The following RAI2 variants were observed in gnomAD, a reference collection of about 807,000 sequenced individuals.
RAI2 encodes retinoic acid-induced protein 2.
In RAI2, 5 loss-of-function variants were observed where a neutral mutation model predicts 15.3. The ratio of observed to expected loss-of-function variants is 0.33; its 90% CI spans 0.17 to 0.69. The LOEUF (loss-of-function observed/expected upper bound fraction) is 0.69, where lower values mean the gene tolerates loss of function less well. Among genes scored for constraint, RAI2 ranks in the 30% least tolerant of loss-of-function variants. The probability of loss-of-function intolerance (pLI) is 0.69; values close to 1 mark genes in which losing one functional copy is unlikely to be tolerated. For synonymous variants in RAI2, 191 were observed against 184.0 expected (o/e 1.04, Z -0.31); for missense variants, 424 against 424.7 (o/e 1.00, Z 0.01).
chrX:17,830,487 G>GT (rs200756495), intron 1 of RAI2, among the ~76,000 whole-genome samples: 415 of 100,607 alleles, frequency 4.1e-3, no homozygotes, highest in East Asian at 0.013. Flanking sequence ...CCTATGATTT[G>GT]TTTTTTTTTT....
chrX:17,821,274 C>T (rs1048792106), intron 1 of RAI2, among the ~76,000 whole-genome samples: 9 of 111,714 alleles, frequency 8.1e-5, no homozygotes, highest in African/African-American at 6.5e-5. Flanking sequence ...GTAGGTCTGT[C>T]GCTGGACTTT....
intron 1 of RAI2, among the ~76,000 whole-genome samples, chrX:17,809,846 C>T (rs1307195667): frequency 2.7e-5 from 3 of 111,351 alleles, no homozygotes; most frequent in African/African-American, 6.6e-5. Flanking sequence ...TTACTTACTG[C>T]ACCCTCAACC....
chrX:17,817,861 A>G (rs1465064247), intron 1 of RAI2, among the ~76,000 whole-genome samples: 2 of 112,082 alleles, frequency 1.8e-5, no homozygotes, highest in Non-Finnish European at 3.8e-5. Context: ...GTCCTTTAGG[A>G]GAGTTAGCAT....
chrX:17,854,509 G>C (rs1229395726), intron 1 of RAI2, among the ~76,000 whole-genome samples: 1 of 112,087 alleles, frequency 8.9e-6, no homozygotes, highest in African/African-American at 3.2e-5. Context: ...GAGCTTCCAG[G>C]CTTAAAGCAC....
intron 1 of RAI2, among the ~76,000 whole-genome samples, chrX:17,856,026 C>T (rs2067598515): frequency 8.9e-6 from 1 of 111,972 alleles, no homozygotes; most frequent in Non-Finnish European, 1.9e-5. Flanking sequence ...ACATTTCCAT[C>T]ATCATAGAAA....
chrX:17,854,401 A>ATTCCT (rs2067573313), intron 1 of RAI2, among the ~76,000 whole-genome samples: 1 of 112,086 alleles, frequency 8.9e-6, no homozygotes, highest in African/African-American at 3.2e-5. Context: ...GTTCCCTAAA[A>ATTCCT]TTCCTTTCAT....
At chrX:17,834,729 A>T (rs1263637944) in intron 1 of RAI2, among the ~76,000 whole-genome samples, 2 of 111,148 alleles carry the variant, frequency 1.8e-5, no homozygotes, top group Non-Finnish European at 3.8e-5. Context: ...ACCCAACAGG[A>T]GGAAAAAGGA....
At chrX:17,813,591 G>A (rs140322361) in intron 1 of RAI2, among the ~76,000 whole-genome samples, 2,139 of 111,405 alleles carry the variant, frequency 0.019, 44 homozygotes, top group African/African-American at 0.065. Flanking sequence ...GGGCAGGGGC[G>A]TGACCTTGAC....
chrX:17,832,444 C>T (rs2067292578), intron 1 of RAI2, among the ~76,000 whole-genome samples: 1 of 112,298 alleles, frequency 8.9e-6, no homozygotes, highest in South Asian at 3.7e-4. Flanking sequence ...GAGGGGGCAG[C>T]CTTCTAAGGT....
Position 17,802,050 on chromosome X carries a change from T to C in RAI2, c.-24-16A>G. On this transcript the variant is annotated splice_polypyrimidine_tract_variant and intron_variant, in intron 1 of 1. Coordinates refer to ENST00000451717, the MANE Select transcript of RAI2 (RefSeq NM_021785.6). The stretch of plus-strand genomic sequence containing the variant: ...GCCACTTGGCCTGCAACACAGAACA[T>C]ACAATATGAATCTTCCTTAAAAGAC... 8.7e-7 allele frequency: 1 copy of C among 1,155,356 alleles called. No individual in the cohort carries two copies.
intron 1 of RAI2, among the ~76,000 whole-genome samples, chrX:17,842,813 A>G (rs2067414695): frequency 8.9e-6 from 1 of 111,946 alleles, no homozygotes; most frequent in Non-Finnish European, 1.9e-5. Context: ...ATGATCATAG[A>G]AAAACAAGAT....
At chrX:17,856,373 T>C (rs2147288694) in intron 1 of RAI2, among the ~76,000 whole-genome samples, 1 of 111,566 alleles carries the variant, frequency 9.0e-6, no homozygotes, top group African/African-American at 3.3e-5. Flanking sequence ...GGAGCCTTCA[T>C]GAATGGGATG....
chrX:17,839,095 C>T (rs1249845982), intron 1 of RAI2, among the ~76,000 whole-genome samples: 5 of 111,957 alleles, frequency 4.5e-5, no homozygotes, highest in Non-Finnish European at 9.4e-5. Flanking sequence ...TCAGAGTGCA[C>T]GCAGCTGTGC....
chrX:17,801,582 C>T lies in RAI2; in HGVS notation c.429G>A (p.Glu143=). 8.3e-7 allele frequency: 1 copy of T among 1,209,376 alleles called. No individual in the cohort carries two copies. Among genetic ancestry groups the T allele is most frequent in the Non-Finnish European group, 1.1e-6 (1 of 894,278 alleles). Residue 143 remains glutamate (E), a synonymous_variant, in exon 2 of 2, where the codon GAG becomes GAA. Transcript: ENST00000451717. ...HLNSPLVLPQ[E]APCSSSTIHN... The stretch of plus-strand genomic sequence containing the variant: ...GGATGGTACTGGAGGAGCATGGGGC[C>T]TCCTGCGGCAGGACCAGAGGGGAGT...
At chrX:17,856,798 A>T (rs2067613192) in intron 1 of RAI2, among the ~76,000 whole-genome samples, 1 of 112,078 alleles carries the variant, frequency 8.9e-6, no homozygotes, top group Admixed American at 9.4e-5. Context: ...CTGGGTTTGA[A>T]TCTAATTTGG....
chrX:17,825,056 TACTTAAGAGA>T (rs748070889), intron 1 of RAI2, among the ~76,000 whole-genome samples: 1 of 112,598 alleles, frequency 8.9e-6, no homozygotes, highest in Non-Finnish European at 1.9e-5. Context: ...TACTTCTTGG[TACTTAAGAGA>T]AAATAGAATC....
At position 17,819,339 on chromosome X, in the gene RAI2, GAAAC is replaced by G. The variant is rs758642654; in HGVS notation, c.-24-17309_-24-17306del. Among the ~76,000 whole-genome samples the G allele has an allele frequency of 2.7e-5, 3 of 112,334 alleles. No homozygotes were observed. The South Asian group carries it at 1.1e-3, about 41-fold the overall frequency. ...CAACAGCTAAACATTTAAAAGACTA[GAAAC>G]ACCAAAAGTTGGTGAGGCTATGGTG... is the stretch of plus-strand genomic sequence containing the variant. On this transcript the variant is annotated intron_variant, in intron 1 of 1. Coordinates refer to ENST00000451717, the MANE Select transcript of RAI2 (RefSeq NM_021785.6).
intron 1 of RAI2, among the ~76,000 whole-genome samples, chrX:17,852,535 G>A (rs748663157): frequency 1.8e-5 from 2 of 111,981 alleles, no homozygotes; most frequent in South Asian, 7.5e-4. Flanking sequence ...TATAATGAGT[G>A]ATCCACTTCT....
chrX:17,846,593 C>T (rs1424173904), intron 1 of RAI2, among the ~76,000 whole-genome samples: 1 of 111,999 alleles, frequency 8.9e-6, no homozygotes, highest in Non-Finnish European at 1.9e-5. Flanking sequence ...TCTTCTGACC[C>T]ATCAATTTGT....
Sources: gnomAD v4.1 joint callset for allele counts (sites outside exome capture counted in the v4.1 genomes callset) on GRCh38, gnomAD v4.1.1 for gene constraint, MANE v1.5 for transcripts, NCBI Gene and HGNC (gene_info 2026-07-23, HGNC 2026-07-21) for gene names.